The following RAP1GAP2 variants were observed in gnomAD, a reference collection of about 807,000 sequenced individuals.
RAP1GAP2 encodes the protein RAP1 GTPase activating protein 2.
Under a neutral mutation model 95.0 loss-of-function variants are expected in RAP1GAP2, and 27 were observed. That is an observed-to-expected ratio of 0.28 (90% CI 0.21 to 0.39). RAP1GAP2 has a LOEUF of 0.39. Among genes scored for constraint, RAP1GAP2 ranks in the 10% least tolerant of loss-of-function variants. The probability of loss-of-function intolerance (pLI) is 1.00; values close to 1 mark genes in which losing one functional copy is unlikely to be tolerated. For missense variants in RAP1GAP2, 771 were observed against 970.0 expected (o/e 0.79, Z 2.72); for synonymous variants, 373 against 380.9 (o/e 0.98, Z 0.24).
intron 2 of RAP1GAP2, among the ~76,000 whole-genome samples, chr17:2,897,066 C>T (rs1303306380): frequency 6.6e-6 from 1 of 152,230 alleles, no homozygotes; most frequent in African/African-American, 2.4e-5. Flanking sequence ...GCCAGGTGCG[C>T]TGGCTCACGC....
In RAP1GAP2 at chr17:2,873,511, A is replaced by G. The variant is rs1339580868; in HGVS notation, c.81-31773A>G. Among the ~76,000 whole-genome samples, 7 of 129,582 alleles carry G rather than the reference A, an allele frequency of 5.4e-5. No homozygotes were observed. In the South Asian group the frequency reaches 1.5e-3, roughly 28 times the overall value. The allele number at this position is 129,582 out of a possible 152,430, so 85.0% of individuals were successfully genotyped here. ...AAAAAAAAAAAAAAAAAAAAAAAAA[A>G]GCAGCAGCAGCTGCAGAAAGGTGTG... On this transcript the variant is annotated intron_variant, in intron 2 of 24. Transcript: ENST00000254695.
chr17:2,936,174 G>A (rs1486549480), intron 3 of RAP1GAP2, among the ~76,000 whole-genome samples: 3 of 150,098 alleles, frequency 2.0e-5, no homozygotes, highest in Non-Finnish European at 4.4e-5. Flanking sequence ...TGTTACATAT[G>A]TATACACGTG....
chr17:2,927,650 T>C (rs1459480227), intron 3 of RAP1GAP2, among the ~76,000 whole-genome samples: 1 of 152,156 alleles, frequency 6.6e-6, no homozygotes, highest in African/African-American at 2.4e-5. Context: ...GTTTTGGGGA[T>C]TGGGACAAGG....
intron 2 of RAP1GAP2, among the ~76,000 whole-genome samples, chr17:2,805,519 C>CTATTAT (rs763208278): frequency 6.6e-6 from 1 of 151,692 alleles, no homozygotes; most frequent in Non-Finnish European, 1.5e-5. Flanking sequence ...CCACGCCCAG[C>CTATTAT]TATTATTATT....
chr17:2,936,051 G>T (rs547141576), intron 3 of RAP1GAP2, among the ~76,000 whole-genome samples: 5 of 151,990 alleles, frequency 3.3e-5, no homozygotes, highest in African/African-American at 9.6e-5. Context: ...TGCGCAGACC[G>T]CCATCTCCTC....
At chr17:2,944,264 T>G (rs1233051025) in intron 3 of RAP1GAP2, among the ~76,000 whole-genome samples, 1 of 150,950 alleles carries the variant, frequency 6.6e-6, no homozygotes, top group Non-Finnish European at 1.5e-5. Context: ...GAAATGTAAA[T>G]TGGTGCAGCC....
chr17:2,983,082 G>C (rs1047050822), intron 10 of RAP1GAP2, among the ~76,000 whole-genome samples: 2 of 152,208 alleles, frequency 1.3e-5, no homozygotes, highest in Non-Finnish European at 2.9e-5. Context: ...CGAAGCGTCC[G>C]TTTCCCCAGA....
At chr17:3,007,960 C>T (rs1223681783) in intron 16 of RAP1GAP2, 51 bp from the exon 17 acceptor site, 9 of 1,593,982 alleles carry the variant, frequency 5.6e-6, no homozygotes, top group Admixed American at 1.7e-5. Flanking sequence ...GGAGCAGGCA[C>T]ATCTCTGCTC....
intron 2 of RAP1GAP2, among the ~76,000 whole-genome samples, chr17:2,874,498 T>C (rs2072999615): frequency 6.6e-6 from 1 of 152,166 alleles, no homozygotes; most frequent in Non-Finnish European, 1.5e-5. Context: ...AAAGAGCATT[T>C]CTGGCACCCT....
rs1597572824 is a variant in RAP1GAP2, at chr17:2,905,695, C to G, written c.165+327C>G. On this transcript the variant is annotated intron_variant, in intron 3 of 24. Transcript: ENST00000254695. ...AGAAGGCAGCTGCCCAGAAGGACTG[C>G]CTGGGGCTGGGCTGTGGCCCTCCTG... is the stretch of plus-strand genomic sequence containing the variant. Among the ~76,000 whole-genome samples the G allele has an allele frequency of 1.3e-5, 2 of 152,296 alleles. 1 individual carries two copies. The highest frequency in any genetic ancestry group is 1.3e-4 in the Admixed American group (2 of 15,302).
At chr17:2,864,336 T>C (rs1483008233) in intron 2 of RAP1GAP2, among the ~76,000 whole-genome samples, 1 of 152,188 alleles carries the variant, frequency 6.6e-6, no homozygotes. Flanking sequence ...GCCTGATGGG[T>C]GTTATTCTGC....
At chr17:3,031,741 G>C (rs56080631) in intron 23 of RAP1GAP2, among the ~76,000 whole-genome samples, 7 of 124,888 alleles carry the variant, frequency 5.6e-5, no homozygotes, top group African/African-American at 2.2e-4. Flanking sequence ...CCTGGGTCCC[G>C]AATCCCTTCC....
intron 1 of RAP1GAP2, among the ~76,000 whole-genome samples, chr17:2,799,367 T>C (rs1328094083): frequency 1.3e-5 from 2 of 152,136 alleles, no homozygotes; most frequent in Non-Finnish European, 2.9e-5. Context: ...TTTGCTGTTG[T>C]AACTGAGATC....
At position 3,026,001 on chromosome 17, in the gene RAP1GAP2, C is replaced by T. The variant is rs761947536; in HGVS notation, c.1752-7C>T. On this transcript the variant is annotated splice_region_variant and splice_polypyrimidine_tract_variant and intron_variant, in intron 19 of 24. Transcript: ENST00000254695. ...CGCGGCCTCACTCCTCATTTCCATTCCCTCAGTGACAGCACATCCAGCACA... is the reference window on the plus strand; with the variant it reads ...CGCGGCCTCACTCCTCATTTCCATTTCCTCAGTGACAGCACATCCAGCACA... The T allele has an allele frequency of 3.0e-5, 48 of 1,601,568 alleles. No homozygotes were observed. The East Asian group carries it at 1.0e-3, about 34-fold the overall frequency.
intron 2 of RAP1GAP2, among the ~76,000 whole-genome samples, chr17:2,865,242 G>C (rs1214155359): frequency 6.6e-6 from 1 of 152,168 alleles, no homozygotes; most frequent in Non-Finnish European, 1.5e-5. Flanking sequence ...TCCTGGTCAA[G>C]ACTCCAAAAC....
intron 1 of RAP1GAP2, among the ~76,000 whole-genome samples, chr17:2,789,946 A>G (rs1042003230): frequency 3.9e-5 from 6 of 152,158 alleles, no homozygotes; most frequent in Admixed American, 2.6e-4. Flanking sequence ...ACCTTGAGAT[A>G]GTGCAGGTGG....
upstream of RAP1GAP2, among the ~76,000 whole-genome samples, chr17:2,792,002 G>C (rs2068938448): frequency 6.6e-6 from 1 of 151,998 alleles, no homozygotes; most frequent in South Asian, 2.1e-4. Flanking sequence ...TGTGATTACA[G>C]GTGCCCGCCA....
chr17:2,989,154 C>T (rs1473769671), intron 11 of RAP1GAP2, among the ~76,000 whole-genome samples: 1 of 152,102 alleles, frequency 6.6e-6, no homozygotes, highest in Non-Finnish European at 1.5e-5. Context: ...ATGAGTGATC[C>T]AGTTTCTCTA....
chr17:2,847,039 T>C (rs6416872), intron 2 of RAP1GAP2, among the ~76,000 whole-genome samples: 89,027 of 152,000 alleles, frequency 0.59, 26,859 homozygotes, highest in African/African-American at 0.73. Context: ...GACGGAGTCT[T>C]GCTCTGTCGC....
Sources: allele counts gnomAD v4.1 joint callset (sites outside exome capture counted in the v4.1 genomes callset), GRCh38; gene constraint gnomAD v4.1.1; transcripts MANE v1.5; gene names NCBI Gene and HGNC (gene_info 2026-07-23, HGNC 2026-07-21).